CATSPERB: variants seen among roughly 807,000 people sequenced by gnomAD.
CATSPERB encodes the protein cation channel sperm-associated auxiliary subunit beta.
Under a neutral mutation model 128.3 loss-of-function variants are expected in CATSPERB, and 93 were observed. The observed-to-expected ratio is 0.72, with a 90% confidence interval of 0.61 to 0.86. CATSPERB has a LOEUF of 0.86. Among genes scored for constraint, CATSPERB ranks in the 40% least tolerant of loss-of-function variants. The pLI is 0.00. For synonymous variants in CATSPERB, 381 were observed against 448.8 expected (o/e 0.85, Z 1.91); for missense variants, 1,153 against 1,329.5 (o/e 0.87, Z 2.06).
In CATSPERB at chr14:91,673,143, C is replaced by T. The variant is rs139632317; in HGVS notation, c.979-127G>A. 5.4e-4 allele frequency: 450 copies of T among 832,622 alleles called. No homozygotes were observed. In the African/African-American group the frequency reaches 7.6e-3, roughly 14 times the overall value. 51.6% of individuals were successfully genotyped at this position (832,622 alleles called of 1,614,324 possible). A position where few individuals can be genotyped will look rare whatever the true frequency, so the allele number is the denominator to read the frequency against. On this transcript the variant is annotated intron_variant, in intron 12 of 26. Coordinates refer to ENST00000256343, the MANE Select transcript of CATSPERB (RefSeq NM_024764.4). ...TTTTTTGAACAAACATAGAAATTAA[C>T]CTTCCCTCCCTGGTCTTAAAACCCA...
rs536896278 is a variant in CATSPERB, at chr14:91,652,504, C to CA, written c.1432+7332dup. Among the ~76,000 whole-genome samples the CA allele has an allele frequency of 6.7e-3, 744 of 111,712 alleles. 7 individuals are homozygous for CA. Among genetic ancestry groups the CA allele is most frequent in the South Asian group, 0.026 (94 of 3,594 alleles). The allele number at this position is 111,712 out of a possible 152,430, so 73.3% of individuals were successfully genotyped here. On this transcript the variant is annotated intron_variant, in intron 15 of 26. Coordinates refer to ENST00000256343, the MANE Select transcript of CATSPERB (RefSeq NM_024764.4). ...TGAAACCCTGTCTCTACTAACAATA[C>CA]AAAAAAAAAAAAAAAAATTAGCTGG...
intron 7 of CATSPERB, among the ~76,000 whole-genome samples, chr14:91,699,912 T>C (rs1895619301): frequency 6.6e-6 from 1 of 151,802 alleles, no homozygotes; most frequent in Non-Finnish European, 1.5e-5. Flanking sequence ...ATTTTATTTA[T>C]TTATTTATTT....
At chr14:91,594,357 TA>T (rs1361867629) in intron 22 of CATSPERB, among the ~76,000 whole-genome samples, 1 of 151,810 alleles carries the variant, frequency 6.6e-6, no homozygotes, top group Non-Finnish European at 1.5e-5. Context: ...GGGATAGCAT[TA>T]GGAGATATAC....
At chr14:91,620,739 C>T (rs993511502) in intron 19 of CATSPERB, among the ~76,000 whole-genome samples, 12 of 152,016 alleles carry the variant, frequency 7.9e-5, no homozygotes, top group Admixed American at 3.9e-4. Context: ...CCTGTATATA[C>T]CAAAATCCAC....
At chr14:91,708,277 T>G in intron 5 of CATSPERB, 41 bp from the exon 6 acceptor site, 1 of 1,303,388 alleles carries the variant, frequency 7.7e-7, no homozygotes, top group African/African-American at 1.5e-5. Flanking sequence ...TATTTTTTCA[T>G]ATGTTGTGTT....
At chr14:91,692,780 G>A (rs1025184868) in intron 9 of CATSPERB, among the ~76,000 whole-genome samples, 1 of 152,168 alleles carries the variant, frequency 6.6e-6, no homozygotes, top group South Asian at 2.1e-4. Flanking sequence ...ATGTTACTTT[G>A]TAATACTATA....
chr14:91,699,646 T>G (rs994144541), intron 7 of CATSPERB, among the ~76,000 whole-genome samples: 162 of 151,718 alleles, frequency 1.1e-3, no homozygotes, highest in African/African-American at 3.9e-3. Flanking sequence ...CGGTCTCGGC[T>G]CACTGCAACC....
At chr14:91,705,866 T>C (rs1037879969) in intron 6 of CATSPERB, among the ~76,000 whole-genome samples, 1 of 152,182 alleles carries the variant, frequency 6.6e-6, no homozygotes, top group Admixed American at 6.5e-5. Context: ...ATTTTAAAAC[T>C]TAAAATATTA....
chr14:91,712,916 G>A (rs553111974), intron 5 of CATSPERB, among the ~76,000 whole-genome samples: 8 of 152,282 alleles, frequency 5.3e-5, no homozygotes, highest in African/African-American at 1.7e-4. Flanking sequence ...GGGAGAACAC[G>A]AGCACTCCAC....
intron 11 of CATSPERB, among the ~76,000 whole-genome samples, chr14:91,677,017 C>A (rs1895202642): frequency 6.6e-6 from 1 of 152,134 alleles, no homozygotes; most frequent in Non-Finnish European, 1.5e-5. Flanking sequence ...ACTGGCTAGC[C>A]ATATGCAGAA....
At chr14:91,650,475 A>C (rs529629950) in intron 15 of CATSPERB, among the ~76,000 whole-genome samples, 1 of 152,352 alleles carries the variant, frequency 6.6e-6, no homozygotes, top group East Asian at 1.9e-4. Context: ...AGGTGAAACT[A>C]ATTTTTTTGG....
chr14:91,681,912 G>T (rs1895287649), intron 11 of CATSPERB, among the ~76,000 whole-genome samples: 1 of 152,104 alleles, frequency 6.6e-6, no homozygotes, highest in Admixed American at 6.5e-5. Context: ...GCCAAGAAAA[G>T]ACCTAAAGCT....
chr14:91,681,996 G>T (rs1244805699), intron 11 of CATSPERB, among the ~76,000 whole-genome samples: 3 of 152,220 alleles, frequency 2.0e-5, no homozygotes, highest in Admixed American at 1.3e-4. Flanking sequence ...TTGTAGTCAT[G>T]AATACATTAT....
At chr14:91,674,855 C>G (rs1595174638) in intron 11 of CATSPERB, among the ~76,000 whole-genome samples, 1 of 152,208 alleles carries the variant, frequency 6.6e-6, no homozygotes, top group East Asian at 1.9e-4. Flanking sequence ...AAGATAGCCA[C>G]TGGGACAGGA....
Position 91,627,330 on chromosome 14 carries a change from G to C in CATSPERB, c.1743-2323C>G, listed in dbSNP as rs182708077. Among the ~76,000 whole-genome samples the C allele has an allele frequency of 2.2e-3, 334 of 152,288 alleles. 2 individuals are homozygous for C. The highest frequency in any genetic ancestry group is 6.4e-3 in the Admixed American group (98 of 15,302). The stretch of plus-strand genomic sequence containing the variant: ...GGACTGTTATCCAAAATAAACTGTA[G>C]GGGAAGGGAGAAGAAACCTCTTTTT... On this transcript the variant is annotated intron_variant, in intron 17 of 26. Transcript: ENST00000256343.
chr14:91,718,013 T>C (rs991701520), intron 5 of CATSPERB, among the ~76,000 whole-genome samples: 6 of 152,212 alleles, frequency 3.9e-5, no homozygotes. Context: ...TCTTTGTTCC[T>C]GTCTGGGTGA....
chr14:91,724,171 C>G (rs1896081945), intron 3 of CATSPERB, among the ~76,000 whole-genome samples: 1 of 152,078 alleles, frequency 6.6e-6, no homozygotes, highest in Admixed American at 6.5e-5. Flanking sequence ...AACTACTATA[C>G]TACAACTATC....
chr14:91,608,974 T>C (rs1043206102), intron 21 of CATSPERB, among the ~76,000 whole-genome samples: 11 of 152,332 alleles, frequency 7.2e-5, no homozygotes, highest in Admixed American at 6.5e-4. Flanking sequence ...GTCTTACTGG[T>C]AATATAAAGT....
chr14:91,721,743 T>C (rs1235068640), intron 4 of CATSPERB, among the ~76,000 whole-genome samples: 2 of 151,162 alleles, frequency 1.3e-5, no homozygotes, highest in Admixed American at 6.6e-5. Context: ...CCAGCTACTC[T>C]GGAGGCTGAG....
Sources: allele counts gnomAD v4.1 joint callset (sites outside exome capture counted in the v4.1 genomes callset), GRCh38; gene constraint gnomAD v4.1.1; transcripts MANE v1.5; gene names NCBI Gene and HGNC (gene_info 2026-07-23, HGNC 2026-07-21).